The following ZSWIM6 variants were observed in gnomAD, a reference collection of about 807,000 sequenced individuals.
The protein encoded by ZSWIM6 is zinc finger SWIM-type containing 6, also known as zinc finger SWIM domain-containing protein 6.
ZSWIM6 carries 9 observed loss-of-function variants against 113.2 expected under a neutral mutation model. The ratio of observed to expected loss-of-function variants is 0.08; its 90% CI spans 0.05 to 0.14. The LOEUF is 0.14. Ranked by LOEUF, ZSWIM6 falls within the 10% of genes least tolerant of loss-of-function variation. The pLI, the probability that ZSWIM6 is intolerant of heterozygous loss-of-function variation, is 1.00. For synonymous variants in ZSWIM6, 611 were observed against 606.5 expected, an observed-to-expected ratio of 1.01 and a Z score of -0.11; for missense variants, 1,162 against 1,552.2, an observed-to-expected ratio of 0.75 and a Z score of 4.22.
In ZSWIM6 at chr5:61,539,627, A is replaced by C. The variant is rs2112290037; in HGVS notation, c.2571A>C (p.Glu857Asp). ...TTCGGAGGCTGGAAACAGTATTAGA[A>C]TCCATCCAGAAAAACATTCACTCCT... ...GDVRRLETVL[E>D]SIQKNIHSSS... Residue 857 changes from glutamate (E) to aspartate (D), a missense_variant, in exon 12 of 14, where the codon GAA (glutamate) becomes GAC (aspartate). Transcript: ENST00000252744. The C allele has an allele frequency of 1.9e-6, 3 of 1,551,982 alleles. No homozygotes were observed. Among genetic ancestry groups the C allele is most frequent in the Non-Finnish European group, 2.6e-6 (3 of 1,147,016 alleles).
At chr5:61,391,055 C>G (rs1459323569) in intron 1 of ZSWIM6, 4 of 739,964 alleles carry the variant, frequency 5.4e-6, no homozygotes, top group Non-Finnish European at 1.0e-5. Flanking sequence ...TGACAGTAAC[C>G]TTTCTGCCAA....
chr5:61,367,365 C>T (rs1336851258), intron 1 of ZSWIM6, among the ~76,000 whole-genome samples: 1 of 152,106 alleles, frequency 6.6e-6, no homozygotes, highest in Admixed American at 6.5e-5. Flanking sequence ...AAGTGATCCT[C>T]CCAACTCAGC....
intron 10 of ZSWIM6, among the ~76,000 whole-genome samples, chr5:61,536,952 G>A (rs1749592307): frequency 6.6e-6 from 1 of 152,166 alleles, no homozygotes; most frequent in African/African-American, 2.4e-5. Context: ...TTTAAAATAA[G>A]TGGGTTCCTA....
chr5:61,418,291 G>A lies in ZSWIM6; in HGVS notation c.677-54390G>A, dbSNP rs1039801208. ...ATTTATTTATTTATTTTTTTGAGGC[G>A]AAATCTTGCTCTGTCGCCCAGGCTG... On this transcript the variant is annotated intron_variant, in intron 1 of 13. Transcript: ENST00000252744. Among the ~76,000 whole-genome samples, 5 of 151,856 alleles carry A rather than the reference G, an allele frequency of 3.3e-5. No individual in the cohort carries two copies. The East Asian group carries it at 5.8e-4, about 18-fold the overall frequency.
chr5:61,470,995 G>C (rs1422922383), intron 1 of ZSWIM6, among the ~76,000 whole-genome samples: 4 of 152,146 alleles, frequency 2.6e-5, no homozygotes, highest in Non-Finnish European at 5.9e-5. Flanking sequence ...CCATTGTCTG[G>C]CCATCATTCT....
intron 1 of ZSWIM6, among the ~76,000 whole-genome samples, chr5:61,460,319 T>G (rs1376772159): frequency 2.0e-5 from 3 of 152,224 alleles, no homozygotes; most frequent in African/African-American, 7.2e-5. Context: ...TTTGTTTTTT[T>G]TTAATATCTT....
At chr5:61,334,595 G>A (rs1042251690) in intron 1 of ZSWIM6, among the ~76,000 whole-genome samples, 5 of 152,300 alleles carry the variant, frequency 3.3e-5, no homozygotes, top group Admixed American at 2.6e-4. Context: ...GAATTCTAAT[G>A]CCATCTGCAA....
rs539388714 is a variant in ZSWIM6 at position 61,537,903 on chromosome 5, T to C, written c.2382-911T>C. On this transcript the variant is annotated intron_variant, in intron 10 of 13. Coordinates refer to ENST00000252744, the MANE Select transcript of ZSWIM6 (RefSeq NM_020928.2). Reference sequence around the variant, plus strand: ...TACTTTTAGAAGAGATTACTAAATATTTGCTTTGCTTTTAGAAATTTTTTC... The same window carrying C: ...TACTTTTAGAAGAGATTACTAAATACTTGCTTTGCTTTTAGAAATTTTTTC... 5.3e-5 allele frequency among the ~76,000 whole-genome samples: 8 copies of C among 152,230 alleles called. 1 individual carries two copies. In the South Asian group the frequency reaches 1.7e-3, roughly 32 times the overall value.
At chr5:61,451,018 G>A (rs961156417) in intron 1 of ZSWIM6, among the ~76,000 whole-genome samples, 3 of 152,192 alleles carry the variant, frequency 2.0e-5, no homozygotes, top group Non-Finnish European at 4.4e-5. Flanking sequence ...TACCTTAAAA[G>A]TATGTCCTGA....
At chr5:61,358,664 C>T (rs1002729243) in intron 1 of ZSWIM6, among the ~76,000 whole-genome samples, 1 of 152,178 alleles carries the variant, frequency 6.6e-6, no homozygotes, top group East Asian at 1.9e-4. Flanking sequence ...TATGGTTTTA[C>T]TTGAGAGCTT....
chr5:61,438,739 C>G (rs143206215), intron 1 of ZSWIM6, among the ~76,000 whole-genome samples: 107 of 152,202 alleles, frequency 7.0e-4, no homozygotes, highest in African/African-American at 2.4e-3. Flanking sequence ...GGGCTCTGTT[C>G]CAGCCAGCAC....
At chr5:61,470,970 G>C in intron 1 of ZSWIM6, among the ~76,000 whole-genome samples, 1 of 152,200 alleles carries the variant, frequency 6.6e-6, no homozygotes, top group East Asian at 1.9e-4. Context: ...CAGATGTCCT[G>C]TGTGTAAACT....
intron 1 of ZSWIM6, among the ~76,000 whole-genome samples, chr5:61,384,623 G>A (rs34330724): frequency 6.6e-6 from 1 of 152,182 alleles, no homozygotes; most frequent in Admixed American, 6.5e-5. Flanking sequence ...ATAAAACTCA[G>A]GTGCTGGTGG....
At chr5:61,413,588 A>G (rs1288090434) in intron 1 of ZSWIM6, among the ~76,000 whole-genome samples, 9 of 152,218 alleles carry the variant, frequency 5.9e-5, no homozygotes, top group East Asian at 3.9e-4. Context: ...GATCCCTGAG[A>G]AATCGCCACA....
chr5:61,409,774 C>A (rs1371934199), intron 1 of ZSWIM6, among the ~76,000 whole-genome samples: 2 of 152,090 alleles, frequency 1.3e-5, no homozygotes, highest in African/African-American at 4.8e-5. Flanking sequence ...ATGGTGAGAG[C>A]TGCGGGTGGG....
At chr5:61,438,763 A>G (rs1034398461) in intron 1 of ZSWIM6, among the ~76,000 whole-genome samples, 2 of 152,136 alleles carry the variant, frequency 1.3e-5, no homozygotes, top group Non-Finnish European at 1.5e-5. Flanking sequence ...TTTACATGTA[A>G]TGAATAGTTA....
chr5:61,362,703 A>G (rs1745055754), intron 1 of ZSWIM6, among the ~76,000 whole-genome samples: 1 of 152,108 alleles, frequency 6.6e-6, no homozygotes, highest in South Asian at 2.1e-4. Flanking sequence ...AGATTATGCC[A>G]ATTATCCCAA....
intron 1 of ZSWIM6, among the ~76,000 whole-genome samples, chr5:61,430,845 AAT>A (rs1746566387): frequency 6.6e-6 from 1 of 152,202 alleles, no homozygotes; most frequent in African/African-American, 2.4e-5. Flanking sequence ...ATCTTGAATC[AAT>A]ATTTGTATAG....
intron 4 of ZSWIM6, among the ~76,000 whole-genome samples, chr5:61,502,574 T>A (rs1173193370): frequency 6.6e-6 from 1 of 152,214 alleles, no homozygotes; most frequent in African/African-American, 2.4e-5. Flanking sequence ...TGATAATCAC[T>A]ATCTTCAGTA....
Sources: allele counts gnomAD v4.1 joint callset (sites outside exome capture counted in the v4.1 genomes callset), GRCh38; gene constraint gnomAD v4.1.1; transcripts MANE v1.5; gene names NCBI Gene and HGNC (gene_info 2026-07-23, HGNC 2026-07-21).